Variants in PTPRM observed in about 807,000 individuals in gnomAD.
The protein encoded by PTPRM is receptor-type tyrosine-protein phosphatase mu.
In PTPRM, 47 loss-of-function variants were observed where a neutral mutation model predicts 186.7. That is an observed-to-expected ratio of 0.25 (90% CI 0.20 to 0.32). The LOEUF (loss-of-function observed/expected upper bound fraction) is 0.32. PTPRM is among the 10% of genes least tolerant of loss of function. The pLI is 1.00. For missense variants in PTPRM, 1,494 were observed against 1,865.0 expected (o/e 0.80, Z 3.66); for synonymous variants, 668 against 674.9 (o/e 0.99, Z 0.16).
At chr18:8,010,788 A>C (rs149124271) in intron 7 of PTPRM, among the ~76,000 whole-genome samples, 1 of 152,316 alleles carries the variant, frequency 6.6e-6, no homozygotes, top group Non-Finnish European at 1.5e-5. Context: ...AAGAAGAGGC[A>C]GGGAAAGGAG....
chr18:7,915,374 A>C (rs2050494173), intron 4 of PTPRM, among the ~76,000 whole-genome samples: 1 of 152,086 alleles, frequency 6.6e-6, no homozygotes, highest in South Asian at 2.1e-4. Flanking sequence ...TTTCTTTTTG[A>C]ATATGAGATA....
chr18:7,728,299 GAATT>G (rs2040588763), intron 1 of PTPRM, among the ~76,000 whole-genome samples: 1 of 152,178 alleles, frequency 6.6e-6, no homozygotes. Context: ...TGACCAGAAA[GAATT>G]AAGCACATGG....
In PTPRM at chr18:8,296,415, T is replaced by C; in HGVS notation, c.2802T>C (p.Asp934=). ...QSAPWDSAKK[D]ENRMKNRYGN... is the part of the protein sequence containing the mutation. Reference sequence around the variant, plus strand: ...CACCATGGGACTCGGCTAAGAAAGATGAGAACAGAATGAAGAACAGATACG... The same window carrying C: ...CACCATGGGACTCGGCTAAGAAAGACGAGAACAGAATGAAGAACAGATACG... Residue 934 remains aspartate, a synonymous_variant, in exon 20 of 33, where the codon GAT becomes GAC. Coordinates refer to ENST00000580170, the MANE Select transcript of PTPRM (RefSeq NM_001105244.2). The C allele has an allele frequency of 1.2e-6, 2 of 1,611,580 alleles. No homozygotes were observed. Among genetic ancestry groups the C allele is most frequent in the South Asian group, 2.2e-5 (2 of 90,988 alleles).
At position 8,080,209 on chromosome 18, in the gene PTPRM, C is replaced by T. The variant is rs578032228; in HGVS notation, c.1551+3645C>T. On this transcript the variant is annotated intron_variant, in intron 9 of 32. Transcript: ENST00000580170. The stretch of plus-strand genomic sequence containing the variant: ...TAGGGAGATTCTATCAAAATGTAAA[C>T]ATAGTATGCCAAACCTATTTCTAGA... 1.4e-4 allele frequency among the ~76,000 whole-genome samples: 21 copies of T among 152,112 alleles called. No individual in the cohort carries two copies. In the South Asian group the frequency reaches 3.7e-3, roughly 27 times the overall value.
chr18:8,173,562 G>A (rs1325594011), intron 14 of PTPRM, among the ~76,000 whole-genome samples: 1 of 152,198 alleles, frequency 6.6e-6, no homozygotes, highest in African/African-American at 2.4e-5. Flanking sequence ...TTGCAATAAA[G>A]AAAGAGCACA....
At chr18:8,090,882 A>C (rs1185023652) in intron 11 of PTPRM, among the ~76,000 whole-genome samples, 1 of 152,150 alleles carries the variant, frequency 6.6e-6, no homozygotes, top group Non-Finnish European at 1.5e-5. Context: ...GGTGTGAGCC[A>C]CCATGCCTGG....
chr18:8,304,879 C>A (rs1388741881), intron 20 of PTPRM, among the ~76,000 whole-genome samples: 3 of 133,706 alleles, frequency 2.2e-5, no homozygotes, highest in African/African-American at 8.3e-5. Flanking sequence ...TATTCTCTTT[C>A]TAATTACAAA....
chr18:7,922,368 A>C (rs1453300806), intron 4 of PTPRM, among the ~76,000 whole-genome samples: 2 of 152,176 alleles, frequency 1.3e-5, no homozygotes, highest in African/African-American at 4.8e-5. Flanking sequence ...CTCTGTCCTT[A>C]GGGATATTTC....
chr18:8,142,922 C>G (rs1244288931), intron 13 of PTPRM, among the ~76,000 whole-genome samples: 1 of 152,132 alleles, frequency 6.6e-6, no homozygotes, highest in Admixed American at 6.5e-5. Flanking sequence ...ACGGGACAAA[C>G]ATGTCTCATG....
intron 11 of PTPRM, among the ~76,000 whole-genome samples, chr18:8,096,875 CAA>C (rs1169303406): frequency 6.6e-6 from 1 of 152,166 alleles, no homozygotes; most frequent in Non-Finnish European, 1.5e-5. Flanking sequence ...TTGCAAATTC[CAA>C]GAGACTGATA....
At chr18:8,024,635 AG>A (rs33962816) in intron 7 of PTPRM, among the ~76,000 whole-genome samples, 3,428 of 151,076 alleles carry the variant, frequency 0.023, 112 homozygotes, top group African/African-American at 0.079. Flanking sequence ...CTCTTACATA[AG>A]ACTGTACTTT....
intron 11 of PTPRM, among the ~76,000 whole-genome samples, chr18:8,096,910 C>T (rs181882879): frequency 3.9e-5 from 6 of 152,302 alleles, no homozygotes; most frequent in Non-Finnish European, 4.4e-5. Flanking sequence ...ATCACTAAGC[C>T]GGTATGCTTC....
intron 5 of PTPRM, among the ~76,000 whole-genome samples, chr18:7,943,046 G>A (rs904668719): frequency 1.3e-5 from 2 of 152,060 alleles, no homozygotes; most frequent in Non-Finnish European, 2.9e-5. Flanking sequence ...TTTCCCTCGT[G>A]GATCACATCT....
At chr18:7,866,526 A>G (rs1019073227) in intron 2 of PTPRM, among the ~76,000 whole-genome samples, 2 of 152,088 alleles carry the variant, frequency 1.3e-5, no homozygotes, top group Non-Finnish European at 2.9e-5. Context: ...CTAAGTTCTA[A>G]TTTGTCTGCA....
In PTPRM at chr18:8,101,750, AG is replaced by A. The variant is rs1487634418; in HGVS notation, c.1857-11733del. ...CACTTAATCTTGTGCTCAGAGCCAC[AG>A]GGCACGTGAGCTGTCAGGACCTTGC... On this transcript the variant is annotated intron_variant, in intron 11 of 32. Coordinates refer to ENST00000580170, the MANE Select transcript of PTPRM (RefSeq NM_001105244.2). 5.9e-5 allele frequency among the ~76,000 whole-genome samples: 9 copies of A among 152,304 alleles called. No homozygotes were observed. In the South Asian group the frequency reaches 1.7e-3, roughly 28 times the overall value.
chr18:7,864,029 C>T (rs1344152889), intron 2 of PTPRM, among the ~76,000 whole-genome samples: 1 of 152,092 alleles, frequency 6.6e-6, no homozygotes, highest in Non-Finnish European at 1.5e-5. Context: ...AATCCTTTGC[C>T]CACTTTTTGA....
chr18:7,930,452 C>T (rs2051418508), intron 5 of PTPRM, among the ~76,000 whole-genome samples: 2 of 152,094 alleles, frequency 1.3e-5, no homozygotes, highest in South Asian at 4.1e-4. Flanking sequence ...ATGGTTGTAT[C>T]CCATGGTAGT....
intron 14 of PTPRM, among the ~76,000 whole-genome samples, chr18:8,187,978 C>T (rs751412587): frequency 6.6e-6 from 1 of 152,120 alleles, no homozygotes; most frequent in African/African-American, 2.4e-5. Context: ...CTGTTTCTTT[C>T]CAGTCATTCT....
chr18:7,705,493 T>A (rs1362888300), intron 1 of PTPRM, among the ~76,000 whole-genome samples: 1 of 152,088 alleles, frequency 6.6e-6, no homozygotes, highest in Non-Finnish European at 1.5e-5. Flanking sequence ...ATTATTTTTC[T>A]AAAGTTGGAT....
Sources: allele counts gnomAD v4.1 joint callset (sites outside exome capture counted in the v4.1 genomes callset), GRCh38; gene constraint gnomAD v4.1.1; transcripts MANE v1.5; gene names NCBI Gene and HGNC (gene_info 2026-07-23, HGNC 2026-07-21).